Variants in NFATC2IP observed in about 807,000 individuals in gnomAD.
NFATC2IP encodes the protein NFATC2-interacting protein.
Under a neutral mutation model 40.2 loss-of-function variants are expected in NFATC2IP, and 25 were observed. The ratio of observed to expected loss-of-function variants is 0.62; its 90% CI spans 0.45 to 0.87. NFATC2IP has a LOEUF of 0.87. Ranked by LOEUF, NFATC2IP falls within the 40% of genes least tolerant of loss-of-function variation. The pLI is 0.00. For missense variants in NFATC2IP, 553 were observed against 555.6 expected (o/e 1.00, Z 0.05); for synonymous variants, 241 against 236.3 (o/e 1.02, Z -0.18).
Position 28,951,024 on chromosome 16 carries a change from G to A in NFATC2IP, c.13G>A (p.Val5Met). The stretch of plus-strand genomic sequence containing the variant: ...AGGAAAGTGTGCCATGGCGGAGCCT[G>A]TGGGGAAGCGGGGCCGCTGGTCCGG... The part of the protein sequence containing the change: MAEP[V>M]GKRGRWSGGS... Residue 5 changes from valine to methionine, a missense_variant, in exon 1 of 8, where the codon GTG (valine) becomes ATG (methionine). Transcript: ENST00000320805. 3 of 1,524,720 alleles carry A rather than the reference G, an allele frequency of 2.0e-6. No individual in the cohort carries two copies. Among genetic ancestry groups the A allele is most frequent in the Non-Finnish European group, 2.6e-6 (3 of 1,139,164 alleles). 94.4% of individuals were successfully genotyped at this position (1,524,720 alleles called of 1,614,324 possible). A position where few individuals can be genotyped will look rare whatever the true frequency, so the allele number is the denominator to read the frequency against.
chr16:28,959,951 T>C (rs1965067427), intron 7 of NFATC2IP, among the ~76,000 whole-genome samples: 1 of 152,186 alleles, frequency 6.6e-6, no homozygotes. Context: ...TCCTGTACAC[T>C]TCTGGAGCCT....
chr16:28,954,144 C>A (rs1238263332), intron 2 of NFATC2IP, among the ~76,000 whole-genome samples: 1 of 152,050 alleles, frequency 6.6e-6, no homozygotes, highest in African/African-American at 2.4e-5. Context: ...TTTTGATAAC[C>A]AATATTGTCT....
In NFATC2IP at chr16:28,951,305, G is replaced by A; in HGVS notation, c.294G>A (p.Arg98=). ...GTGACAGCGAAGGGGAGGACAGGCGGCCCGCAGGACCCCCGCGGGAGCCGG... is the reference window on the plus strand; with the variant it reads ...GTGACAGCGAAGGGGAGGACAGGCGACCCGCAGGACCCCCGCGGGAGCCGG... The part of the protein sequence containing the change: ...SNSDSEGEDR[R]PAGPPREPVR... Residue 98 remains arginine, a synonymous_variant, in exon 1 of 8, where the codon CGG becomes CGA. Transcript: ENST00000320805. 1.4e-6 allele frequency: 2 copies of A among 1,422,864 alleles called. No homozygotes were observed. Among genetic ancestry groups the A allele is most frequent in the African/African-American group, 1.5e-5 (1 of 66,388 alleles). 88.1% of individuals were successfully genotyped at this position (1,422,864 alleles called of 1,614,324 possible).
At chr16:28,958,177 C>T (rs931719159) in intron 5 of NFATC2IP, among the ~76,000 whole-genome samples, 7 of 151,600 alleles carry the variant, frequency 4.6e-5, no homozygotes, top group Admixed American at 2.0e-4. Context: ...TGGCCAGGTG[C>T]GGTGGCTCAC....
intron 1 of NFATC2IP, 99 bp from the exon 2 acceptor site, chr16:28,952,033 G>A (rs888395422): frequency 1.3e-6 from 2 of 1,533,508 alleles, no homozygotes; most frequent in Non-Finnish European, 1.8e-6. Flanking sequence ...TCTTAGGGAG[G>A]ATTTGGGAGC....
Position 28,952,163 on chromosome 16 carries a change from A to G in NFATC2IP, c.419A>G (p.Asp140Gly). The part of the protein sequence containing the change: ...VKSSLRLIPD[D>G]LSLLKLYPPG... ...AGCAGCCTTCGCCTTATCCCAGATG[A>G]TCTATCCCTCCTGAAACTCTACCCT... Residue 140 changes from aspartate to glycine, a missense_variant, in exon 2 of 8, where the codon GAT (aspartate) becomes GGT (glycine). Asp to Gly is a moderately conservative substitution (Grantham distance 94). Coordinates refer to ENST00000320805, the MANE Select transcript of NFATC2IP (RefSeq NM_032815.4). The G allele has an allele frequency of 1.2e-6, 2 of 1,613,828 alleles. No homozygotes were observed. Among genetic ancestry groups the G allele is most frequent in the African/African-American group, 1.3e-5 (1 of 74,966 alleles).
At chr16:28,955,732 G>A (rs1485339959) in intron 3 of NFATC2IP, among the ~76,000 whole-genome samples, 1 of 152,056 alleles carries the variant, frequency 6.6e-6, no homozygotes, top group Admixed American at 6.6e-5. Context: ...CTGAGTAGCT[G>A]GGACTACAGC....
At chr16:28,955,106 A>G (rs987111127) in intron 3 of NFATC2IP, among the ~76,000 whole-genome samples, 1 of 152,120 alleles carries the variant, frequency 6.6e-6, no homozygotes, top group Non-Finnish European at 1.5e-5. Flanking sequence ...AGATGGGAAA[A>G]TCGCTTGATC....
chr16:28,962,094 CGG>C (rs1276497271), intron 7 of NFATC2IP, among the ~76,000 whole-genome samples: 1 of 151,314 alleles, frequency 6.6e-6, no homozygotes, highest in Non-Finnish European at 1.5e-5. Context: ...TTTGTGTAGA[CGG>C]GGTCTCACTA....
chr16:28,955,852 G>C (rs1965014440), intron 3 of NFATC2IP, 126 bp from the exon 4 acceptor site: 4 of 769,560 alleles, frequency 5.2e-6, no homozygotes, highest in Non-Finnish European at 8.7e-6. Context: ...GCCTCCAAAA[G>C]TGCTGGGATT....
chr16:28,959,289 A>G (rs765374401), intron 7 of NFATC2IP, among the ~76,000 whole-genome samples, 189 bp downstream of exon 7: 1 of 152,048 alleles, frequency 6.6e-6, no homozygotes, highest in Non-Finnish European at 1.5e-5. Context: ...CCCCGCTTCT[A>G]CTGGTACCCT....
At chr16:28,956,695 A>T in intron 5 of NFATC2IP, 1 of 218,394 alleles carries the variant, frequency 4.6e-6, no homozygotes. Context: ...CTGGGATTCC[A>T]GGTGTGAAGC....
At chr16:28,963,336 G>T (rs8061893) in intron 7 of NFATC2IP, among the ~76,000 whole-genome samples, 2,562 of 152,246 alleles carry the variant, frequency 0.017, 86 homozygotes, top group African/African-American at 0.058. Flanking sequence ...CCTCCAGCTC[G>T]ACTCATCCTC....
At chr16:28,952,282 G>A (rs938297036) in intron 2 of NFATC2IP, 78 bp downstream of exon 2, 11 of 1,597,890 alleles carry the variant, frequency 6.9e-6, no homozygotes, top group Non-Finnish European at 9.4e-6. Flanking sequence ...TATTCCTGCA[G>A]TCAGTTGTCT....
chr16:28,953,778 C>T (rs774218487), intron 2 of NFATC2IP, among the ~76,000 whole-genome samples: 3 of 151,954 alleles, frequency 2.0e-5, no homozygotes, highest in Non-Finnish European at 4.4e-5. Context: ...ATTAACCAGG[C>T]ATGGTGATGT....
chr16:28,952,013 G>A, intron 1 of NFATC2IP, 119 bp from the exon 2 acceptor site: 1 of 1,355,092 alleles, frequency 7.4e-7, no homozygotes, highest in Non-Finnish European at 1.0e-6. Context: ...GAGGGCCAAG[G>A]TGTCCACGAT....
intron 2 of NFATC2IP, 29 bp from the exon 3 acceptor site, chr16:28,954,536 C>A (rs1366267424): frequency 6.7e-7 from 1 of 1,501,856 alleles, no homozygotes; most frequent in Non-Finnish European, 9.3e-7. Context: ...TGGATAACCC[C>A]CTTCTACCTT....
At chr16:28,963,537 C>T (rs1965110627) in intron 7 of NFATC2IP, among the ~76,000 whole-genome samples, 168 bp from the exon 8 acceptor site, 1 of 152,208 alleles carries the variant, frequency 6.6e-6, no homozygotes, top group African/African-American at 2.4e-5. Context: ...CAGAGAGGAG[C>T]CTGGCTGGGC....
Position 28,958,995 on chromosome 16 carries a change from TG to T in NFATC2IP, c.997del (p.Val333TrpfsTer3). 1 of 1,612,820 alleles carries T rather than the reference TG, an allele frequency of 6.2e-7. No homozygotes were observed. Among genetic ancestry groups the T allele is most frequent in the African/African-American group, 1.3e-5 (1 of 74,962 alleles). On this transcript the variant is annotated frameshift_variant, in exon 7 of 8. Transcript: ENST00000320805. LOFTEE classifies it high-confidence loss of function. ...KLGVADIIDC[V>X]VLTSSPEATE... is the part of the protein sequence containing the mutation. The stretch of plus-strand genomic sequence containing the variant: ...TCCTGATTCTGCCTCCCACAGACTG[TG>T]TGGTACTAACAAGTTCTCCAGAGGC...
Sources: gnomAD v4.1 joint callset for allele counts (sites outside exome capture counted in the v4.1 genomes callset) on GRCh38, gnomAD v4.1.1 for gene constraint, MANE v1.5 for transcripts, NCBI Gene and HGNC (gene_info 2026-07-23, HGNC 2026-07-21) for gene names.